STXBP6: variants seen among roughly 807,000 people sequenced by gnomAD.
STXBP6 encodes syntaxin-binding protein 6.
A neutral mutation model predicts 26.9 loss-of-function variants in STXBP6; 21 were observed. The ratio of observed to expected loss-of-function variants is 0.78; its 90% CI spans 0.55 to 1.12. The LOEUF (loss-of-function observed/expected upper bound fraction) is 1.12, where lower values mean the gene tolerates loss of function less well. Ranked by LOEUF, STXBP6 falls within the 50% of genes most tolerant of loss-of-function variation. The pLI, the probability that STXBP6 is intolerant of heterozygous loss-of-function variation, is 0.00. For missense variants in STXBP6, 232 were observed against 257.9 expected, an observed-to-expected ratio of 0.90 and a Z score of 0.69; for synonymous variants, 97 against 92.6, an observed-to-expected ratio of 1.05 and a Z score of -0.27.
At chr14:24,929,356 G>A (rs994879759) in intron 2 of STXBP6, among the ~76,000 whole-genome samples, 7 of 152,106 alleles carry the variant, frequency 4.6e-5, no homozygotes, top group Non-Finnish European at 1.0e-4. Flanking sequence ...CCCATAATGT[G>A]CTTTAAGACA....
At chr14:24,882,689 G>A (rs1004267332) in intron 2 of STXBP6, among the ~76,000 whole-genome samples, 3 of 152,084 alleles carry the variant, frequency 2.0e-5, no homozygotes, top group African/African-American at 7.2e-5. Context: ...TTCTCAGCAA[G>A]GGAATACATT....
chr14:24,861,852 C>T (rs1051816257), intron 2 of STXBP6, among the ~76,000 whole-genome samples: 2 of 152,184 alleles, frequency 1.3e-5, no homozygotes, highest in African/African-American at 4.8e-5. Flanking sequence ...ACCAGACCAA[C>T]TTGTGAAATG....
chr14:25,049,699 C>T lies in STXBP6; in HGVS notation c.-33+179G>A, dbSNP rs114867359. On this transcript the variant is annotated intron_variant, in intron 1 of 5. Transcript: ENST00000323944. The surrounding 1 kb of genome is among the most constrained non-coding windows in gnomAD (Gnocchi z 5.6). ...GCAGCTGCGCCGGGGCGCGCGGCCC[C>T]CTCTCCCGCCACCCGCCAACTTGGA... is the stretch of plus-strand genomic sequence containing the variant. 767 of 985,724 alleles carry T rather than the reference C, an allele frequency of 7.8e-4. 6 individuals are homozygous for T. The African/African-American group carries it at 0.012, about 15-fold the overall frequency. The allele number at this position is 985,724 out of a possible 1,614,324, so 61.1% of individuals were successfully genotyped here.
chr14:24,960,098 C>T (rs931281611), intron 2 of STXBP6, among the ~76,000 whole-genome samples: 4 of 152,226 alleles, frequency 2.6e-5, no homozygotes, highest in African/African-American at 9.6e-5. Context: ...TGACAGGCTT[C>T]TTGCATATGT....
intron 1 of STXBP6, among the ~76,000 whole-genome samples, chr14:25,005,674 A>G (rs1372111814): frequency 1.3e-5 from 2 of 152,212 alleles, no homozygotes; most frequent in Admixed American, 1.3e-4. Context: ...AAATTGCATA[A>G]AAGGGATTCG....
At chr14:25,023,133 C>T (rs1196541312) in intron 1 of STXBP6, among the ~76,000 whole-genome samples, 1 of 152,120 alleles carries the variant, frequency 6.6e-6, no homozygotes, top group East Asian at 1.9e-4. Flanking sequence ...TATAAACAAG[C>T]GGGGATCATT....
intron 2 of STXBP6, among the ~76,000 whole-genome samples, chr14:24,963,049 G>A (rs2140132894): frequency 6.6e-6 from 1 of 152,226 alleles, no homozygotes; most frequent in South Asian, 2.1e-4. Context: ...TAAAACGGGA[G>A]AAGTATTAAA....
chr14:24,891,399 T>A (rs1249105013), intron 2 of STXBP6, among the ~76,000 whole-genome samples: 1 of 152,214 alleles, frequency 6.6e-6, no homozygotes. Context: ...TGTATATGGT[T>A]AGCCTGAATG....
chr14:24,998,807 T>C (rs547885544), intron 1 of STXBP6, among the ~76,000 whole-genome samples: 12 of 152,312 alleles, frequency 7.9e-5, no homozygotes, highest in Non-Finnish European at 1.5e-4. Context: ...TTACCATACA[T>C]AAAAACTTCA....
chr14:24,974,877 G>A, intron 1 of STXBP6, 27 bp from the exon 2 acceptor site: 1 of 1,472,678 alleles, frequency 6.8e-7, no homozygotes, highest in Non-Finnish European at 9.1e-7. Flanking sequence ...AGAAAGGAAA[G>A]TTGGAATTGA....
intron 2 of STXBP6, among the ~76,000 whole-genome samples, chr14:24,927,343 G>T (rs536681207): frequency 6.6e-6 from 1 of 152,140 alleles, no homozygotes; most frequent in South Asian, 2.1e-4. Context: ...TTAATCTTTG[G>T]TTCTCAGTGG....
intron 1 of STXBP6, among the ~76,000 whole-genome samples, chr14:25,040,136 G>C (rs909964935): frequency 6.6e-6 from 1 of 152,126 alleles, no homozygotes; most frequent in Non-Finnish European, 1.5e-5. Flanking sequence ...CCTTGCAAAG[G>C]TCATACAGTT....
At chr14:24,871,479 A>G (rs1396743408) in intron 2 of STXBP6, among the ~76,000 whole-genome samples, 2 of 152,158 alleles carry the variant, frequency 1.3e-5, no homozygotes, top group African/African-American at 4.8e-5. Context: ...AGAAAGAATA[A>G]CTTCCATGAA....
At chr14:24,990,324 C>A (rs1191859830) in intron 1 of STXBP6, among the ~76,000 whole-genome samples, 1 of 152,108 alleles carries the variant, frequency 6.6e-6, no homozygotes, top group Non-Finnish European at 1.5e-5. Context: ...AAAGGCCCGA[C>A]TTAGGAAGAA....
chr14:24,860,400 T>C (rs1395898793), intron 2 of STXBP6, among the ~76,000 whole-genome samples: 10 of 152,236 alleles, frequency 6.6e-5, no homozygotes, highest in Non-Finnish European at 1.2e-4. Context: ...TTGCATGTTA[T>C]GTGAAATGGG....
rs1466505790 is a variant in STXBP6 at position 25,037,250 on chromosome 14, ACT to A, written c.-33+12626_-33+12627del. Among the ~76,000 whole-genome samples the A allele has an allele frequency of 2.0e-5, 3 of 152,110 alleles. No individual in the cohort carries two copies. In the East Asian group the frequency reaches 5.8e-4, roughly 29 times the overall value. On this transcript the variant is annotated intron_variant, in intron 1 of 5. Transcript: ENST00000323944. Reference sequence around the variant, plus strand: ...GACAGAGGCCCGGAGAGCTCCTGGGACTCTGAAATAGGACAGGAATGGAAACC... The same window carrying A: ...GACAGAGGCCCGGAGAGCTCCTGGGACTGAAATAGGACAGGAATGGAAACC...
intron 2 of STXBP6, among the ~76,000 whole-genome samples, chr14:24,891,490 T>C (rs2070785662): frequency 6.6e-6 from 1 of 152,188 alleles, no homozygotes; most frequent in African/African-American, 2.4e-5. Flanking sequence ...CATTAATTCA[T>C]TCCCTGTTCC....
At chr14:24,820,631 C>T (rs1393319702) in intron 4 of STXBP6, among the ~76,000 whole-genome samples, 1 of 152,092 alleles carries the variant, frequency 6.6e-6, no homozygotes, top group East Asian at 1.9e-4. Flanking sequence ...ATCTTGGTCC[C>T]CTTTGCTTTC....
At chr14:25,048,612 C>T (rs972359551) in intron 1 of STXBP6, among the ~76,000 whole-genome samples, 9 of 152,190 alleles carry the variant, frequency 5.9e-5, no homozygotes, top group Non-Finnish European at 5.9e-5. Flanking sequence ...ACAAACCCAA[C>T]AGCCAAGGTG....
Sources: allele counts gnomAD v4.1 joint callset (sites outside exome capture counted in the v4.1 genomes callset), GRCh38; gene constraint gnomAD v4.1.1; non-coding constraint Gnocchi (gnomAD v3.1); transcripts MANE v1.5; gene names NCBI Gene and HGNC (gene_info 2026-07-23, HGNC 2026-07-21).